Variants in MUC4 observed in about 807,000 individuals in gnomAD.
The protein encoded by MUC4 is mucin 4, cell surface associated.
Under a neutral mutation model 257.9 loss-of-function variants are expected in MUC4, and 202 were observed. That is an observed-to-expected ratio of 0.78 (90% CI 0.70 to 0.88). MUC4 has a LOEUF of 0.88. Ranked by LOEUF, MUC4 falls within the 40% of genes least tolerant of loss-of-function variation. The probability of loss-of-function intolerance (pLI) is 0.00; values close to 1 mark genes in which losing one functional copy is unlikely to be tolerated. For missense variants in MUC4, 5,976 were observed against 6,513.7 expected (o/e 0.92, Z 2.84); for synonymous variants, 2,351 against 2,757.1 (o/e 0.85, Z 4.62).
chr3:195,796,031 A>G (rs1450269944), intron 1 of MUC4, among the ~76,000 whole-genome samples: 2 of 152,046 alleles, frequency 1.3e-5, no homozygotes, highest in Admixed American at 1.3e-4. Flanking sequence ...ATTTATCAAA[A>G]ATGAATTAAG....
At chr3:195,758,301 C>A (rs1037428056) in intron 17 of MUC4, among the ~76,000 whole-genome samples, 1 of 152,122 alleles carries the variant, frequency 6.6e-6, no homozygotes, top group African/African-American at 2.4e-5. Flanking sequence ...CGATGGCACT[C>A]TACTGGGTCC....
Position 195,783,703 on chromosome 3 carries a change from G to A in MUC4, c.7877C>T (p.Pro2626Leu). Residue 2626 changes from proline to leucine, a missense_variant, in exon 2 of 25, where the codon CCT (proline) becomes CTT (leucine). Pro to Leu is a moderately conservative substitution (Grantham distance 98). Around this residue, in one of 44 missense-constraint regions of MUC4, gnomAD observed 11 missense variants for 41.8 expected, o/e 0.26. Transcript: ENST00000463781. The stretch of plus-strand genomic sequence containing the variant: ...GGATGCTGAGGAAGGGCTAGTGACA[G>A]GAAGAGGCGTGGTGTCACCTGTGGA... Reference protein sequence around the residue: ...SVSTGDTTPLPVTSPSSASTG... With the variant: ...SVSTGDTTPLLVTSPSSASTG... The A allele has an allele frequency of 2.2e-6, 1 of 447,582 alleles. No homozygotes were observed. The highest frequency in any genetic ancestry group is 3.3e-5 in the East Asian group (1 of 30,640). 27.7% of individuals were successfully genotyped at this position (447,582 alleles called of 1,614,324 possible). A position where few individuals can be genotyped will look rare whatever the true frequency, so the allele number is the denominator to read the frequency against.
At position 195,783,782 on chromosome 3, in the gene MUC4, A is replaced by T. The variant is rs878884287; in HGVS notation, c.7798T>A (p.Ser2600Thr). The T allele has an allele frequency of 8.2e-6, 12 of 1,456,390 alleles. No individual in the cohort carries two copies. Among genetic ancestry groups the T allele is most frequent in the Non-Finnish European group, 1.1e-5 (12 of 1,091,478 alleles). The allele number at this position is 1,456,390 out of a possible 1,614,324, so 90.2% of individuals were successfully genotyped here. The change falls in exon 2 of 25, where the codon TCA becomes ACA. Residue 2600 changes from serine (S) to threonine (T), a missense_variant. Ser to Thr is a moderately conservative substitution (Grantham distance 58). Transcript: ENST00000463781. Reference protein sequence around the residue: ...TTPLPVTDTYSASTGQATPLP... With the variant: ...TTPLPVTDTYTASTGQATPLP... The stretch of plus-strand genomic sequence containing the variant: ...GGGGTGGCCTGACCTGTGGATGCTG[A>T]GTAAGTGTCGGTGACAGGAAGAGGG...
At position 195,780,431 on chromosome 3, in the gene MUC4, T is replaced by C. The variant is rs199497026; in HGVS notation, c.11149A>G (p.Ser3717Gly). 69 of 1,532,530 alleles carry C rather than the reference T, an allele frequency of 4.5e-5. 1 individual carries two copies. Among genetic ancestry groups the C allele is most frequent in the Middle Eastern group, 4.2e-4 (2 of 4,788 alleles). 94.9% of individuals were successfully genotyped at this position (1,532,530 alleles called of 1,614,324 possible). A position where few individuals can be genotyped will look rare whatever the true frequency, so the allele number is the denominator to read the frequency against. ...SGHTTPLPVTSTSSVSTGHVT... is the reference protein window; with the variant it reads ...SGHTTPLPVTGTSSVSTGHVT... ...TGACCTGTAGATACTGAGGAAGTGC[T>C]GGTGACAGGAAGAGGGGTGGTGTGA... Residue 3717 changes from serine (S) to glycine (G), a missense_variant, in exon 2 of 25, where the codon AGC (serine) becomes GGC (glycine). Ser to Gly is a moderately conservative substitution (Grantham distance 56, BLOSUM62 0). This residue lies in a region of MUC4 where 330 missense variants were observed against 262.0 expected (regional missense o/e 1.26). Coordinates refer to ENST00000463781, the MANE Select transcript of MUC4 (RefSeq NM_018406.7).
In MUC4 at chr3:195,811,834, C is replaced by T. The variant is rs777622105; in HGVS notation, c.-17G>A. The stretch of plus-strand genomic sequence containing the variant: ...CCCCTTCATGGCTGCGGCAAAAGTC[C>T]CCCTGGCTCCCTGGGGAAGCTCCAC... On this transcript the variant is annotated 5_prime_UTR_variant, in exon 1 of 25. Coordinates refer to ENST00000463781, the MANE Select transcript of MUC4 (RefSeq NM_018406.7). The T allele has an allele frequency of 6.2e-7, 1 of 1,612,566 alleles. No homozygotes were observed. The highest frequency in any genetic ancestry group is 8.5e-7 in the Non-Finnish European group (1 of 1,179,216).
chr3:195,789,291 T>C lies in MUC4; in HGVS notation c.2289A>G (p.Ser763=). 1.2e-6 allele frequency: 2 copies of C among 1,613,754 alleles called. No homozygotes were observed. Among genetic ancestry groups the C allele is most frequent in the Non-Finnish European group, 1.7e-6 (2 of 1,179,826 alleles). Residue 763 remains serine (S), a synonymous_variant, in exon 2 of 25, where the codon TCA becomes TCG. Coordinates refer to ENST00000463781, the MANE Select transcript of MUC4 (RefSeq NM_018406.7). ...GQWTSASAST[S]PDTAAAMTHT... ...GGGTCATGGCTGCTGCTGTGTCAGG[T>C]GAGGTGCTGGCAGAGGCTGATGTCC...
chr3:195,807,392 C>T (rs989394092), intron 1 of MUC4, among the ~76,000 whole-genome samples: 3 of 152,016 alleles, frequency 2.0e-5, no homozygotes, highest in East Asian at 1.9e-4. Context: ...CTCTTGAACC[C>T]GGGAGGCAGA....
At position 195,783,002 on chromosome 3, in the gene MUC4, C is replaced by T; in HGVS notation, c.8578G>A (p.Gly2860Ser). Residue 2860 changes from glycine (G) to serine (S), a missense_variant, in exon 2 of 25, where the codon GGT (glycine) becomes AGT (serine). Coordinates refer to ENST00000463781, the MANE Select transcript of MUC4 (RefSeq NM_018406.7). ...PVTDASSVST[G>S]HATSLPVTDA... ...GTGACAGGAAGAGAGGTGGCGTGAC[C>T]TGTGGACACTGAGGAAGCGTCGGTG... 1 of 1,501,832 alleles carries T rather than the reference C, an allele frequency of 6.7e-7. No homozygotes were observed. Among genetic ancestry groups the T allele is most frequent in the Non-Finnish European group, 8.9e-7 (1 of 1,117,572 alleles). 93.0% of individuals were successfully genotyped at this position (1,501,832 alleles called of 1,614,324 possible).
At position 195,778,810 on chromosome 3, in the gene MUC4, G is replaced by A. The variant is rs765160301; in HGVS notation, c.12770C>T (p.Pro4257Leu). 5 of 1,611,688 alleles carry A rather than the reference G, an allele frequency of 3.1e-6. No individual in the cohort carries two copies. The highest frequency in any genetic ancestry group is 2.2e-5 in the South Asian group (2 of 90,748). Reference sequence around the variant, plus strand: ...GCTACCTGGTGTTTCCATCTTCAGAGGGGAGTCCGAGGATACTGTGGAAGC... The same window carrying A: ...GCTACCTGGTGTTTCCATCTTCAGAAGGGAGTCCGAGGATACTGTGGAAGC... Reference protein sequence around the residue: ...TSASTVSSDSPLKMETPGMTT... With the variant: ...TSASTVSSDSLLKMETPGMTT... The change falls in exon 2 of 25, where the codon CCT becomes CTT. Residue 4257 changes from proline (P) to leucine (L), a missense_variant. Pro to Leu is a moderately conservative substitution (Grantham distance 98). This residue lies in a region of MUC4 where 233 missense variants were observed against 171.2 expected (regional missense o/e 1.36). Transcript: ENST00000463781.
rs201933946 is a variant in MUC4, at chr3:195,781,580, G to T, written c.10000C>A (p.Pro3334Thr). Residue 3334 changes from proline (P) to threonine (T), a missense_variant, in exon 2 of 25, where the codon CCT (proline) becomes ACT (threonine). Physicochemically the swap from Pro to Thr is conservative, Grantham distance 38 (BLOSUM62 -1). This residue lies in a region of MUC4 where 72 missense variants were observed against 33.5 expected (regional missense o/e 2.15). Coordinates refer to ENST00000463781, the MANE Select transcript of MUC4 (RefSeq NM_018406.7). Reference sequence around the variant, plus strand: ...GTGTCACCTGTGGATGCTGAGGAAGGGCTGGTGACATGAAGAGGGGTGGCG... The same window carrying T: ...GTGTCACCTGTGGATGCTGAGGAAGTGCTGGTGACATGAAGAGGGGTGGCG... Reference protein sequence around the residue: ...GHATPLHVTSPSSASTGDTTP... With the variant: ...GHATPLHVTSTSSASTGDTTP... The T allele has an allele frequency of 1.9e-3, 967 of 511,008 alleles. 18 individuals carry two copies. The highest frequency in any genetic ancestry group is 6.7e-3 in the South Asian group (185 of 27,656). 31.7% of individuals were successfully genotyped at this position (511,008 alleles called of 1,614,324 possible).
At chr3:195,763,404 C>A (rs756949273) in intron 12 of MUC4, 29 bp downstream of exon 12, 1 of 1,403,260 alleles carries the variant, frequency 7.1e-7, no homozygotes, top group Non-Finnish European at 9.3e-7. Flanking sequence ...GGGTGGAATG[C>A]AGGGAGGTTC....
Position 195,785,593 on chromosome 3 carries a change from C to T in MUC4, c.5987G>A (p.Gly1996Asp), listed in dbSNP as rs572428070. The T allele has an allele frequency of 6.5e-7, 1 of 1,534,882 alleles. No individual in the cohort carries two copies. The highest frequency in any genetic ancestry group is 8.8e-7 in the Non-Finnish European group (1 of 1,139,806). The change falls in exon 2 of 25, where the codon GGT becomes GAT. Residue 1996 changes from glycine (G) to aspartate (D), a missense_variant. By Grantham distance (94) the Gly-to-Asp change is moderately conservative. Transcript: ENST00000463781. Reference protein sequence around the residue: ...PVTDASSVSTGHATPLPVTDT... With the variant: ...PVTDASSVSTDHATPLPVTDT... ...GGTGACCGGAAGAGGGGTGGCATGA[C>T]CTGTGGACACTGAGGAAGCGTCGGT...
Position 195,770,305 on chromosome 3 carries a change from T to C in MUC4, c.13309A>G (p.Met4437Val), listed in dbSNP as rs765749348. ...VQQAESWIRK[M>V]TNNGGYKARW... ...GCCTTGTAGCCCCCGTTGTTTGTCA[T>C]CTTTCTAATCCAAGACTCGGCCTGC... Residue 4437 changes from methionine to valine, a missense_variant, in exon 6 of 25, where the codon ATG (methionine) becomes GTG (valine). By Grantham distance (21) the Met-to-Val change is conservative. This residue lies in a region of MUC4 where 996 missense variants were observed against 1,137.3 expected (regional missense o/e 0.88). Transcript: ENST00000463781. 2 of 1,613,958 alleles carry C rather than the reference T, an allele frequency of 1.2e-6. No homozygotes were observed. The highest frequency in any genetic ancestry group is 2.7e-5 in the African/African-American group (2 of 74,912).
Position 195,789,555 on chromosome 3 carries a change from C to A in MUC4, c.2025G>T (p.Gly675=), listed in dbSNP as rs371293898. 6 of 1,613,658 alleles carry A rather than the reference C, an allele frequency of 3.7e-6. No individual in the cohort carries two copies. In the African/African-American group the frequency reaches 8.0e-5, roughly 22 times the overall value. The part of the protein sequence containing the change: ...TTPGSSFTAS[G]HSPSEIVPQD... Reference sequence around the variant, plus strand: ...GAGGAACAATTTCTGAGGGCGAGTGCCCACTGGCTGTGAAGGAAGAACCTG... The same window carrying A: ...GAGGAACAATTTCTGAGGGCGAGTGACCACTGGCTGTGAAGGAAGAACCTG... The change falls in exon 2 of 25, where the codon GGG becomes GGT. Residue 675 remains glycine (G), a synonymous_variant. Transcript: ENST00000463781.
Position 195,748,939 on chromosome 3 carries a change from C to T in MUC4, c.15997G>A (p.Gly5333Ser), listed in dbSNP as rs765555247. ...CCACTGGGCAGGTGCTGGCACTGGC[C>T]TCCATGGTCACAGTAGCCCCTACTG... ...PCSRGYCDHG[G>S]QCQHLPSGPR... The change falls in exon 24 of 25, where the codon GGC becomes AGC. Residue 5333 changes from glycine to serine, a missense_variant. By Grantham distance (56) the Gly-to-Ser change is moderately conservative. Transcript: ENST00000463781. The T allele has an allele frequency of 1.9e-6, 3 of 1,598,548 alleles. No homozygotes were observed. In the Admixed American group the frequency reaches 5.1e-5, roughly 27 times the overall value.
intron 7 of MUC4, among the ~76,000 whole-genome samples, chr3:195,767,604 C>CACCATT (rs1560262405): frequency 3.6e-4 from 33 of 92,296 alleles, no homozygotes; most frequent in Admixed American, 5.2e-4. Flanking sequence ...CCACCATCAT[C>CACCATT]ACCATTGCCA....
In MUC4 at chr3:195,782,984, G is replaced by T; in HGVS notation, c.8596C>A (p.Pro2866Thr). 1.7e-6 allele frequency: 2 copies of T among 1,176,012 alleles called. No individual in the cohort carries two copies. Among genetic ancestry groups the T allele is most frequent in the Non-Finnish European group, 2.3e-6 (2 of 873,626 alleles). 72.8% of individuals were successfully genotyped at this position (1,176,012 alleles called of 1,614,324 possible). A position where few individuals can be genotyped will look rare whatever the true frequency, so the allele number is the denominator to read the frequency against. The change falls in exon 2 of 25, where the codon CCT becomes ACT. Residue 2866 changes from proline to threonine, a missense_variant. Pro to Thr is a conservative substitution (Grantham distance 38). Coordinates refer to ENST00000463781, the MANE Select transcript of MUC4 (RefSeq NM_018406.7). ...SVSTGHATSL[P>T]VTDASSVSTG... Reference sequence around the variant, plus strand: ...GACACTGAGGAAGCGTCGGTGACAGGAAGAGAGGTGGCGTGACCTGTGGAC... The same window carrying T: ...GACACTGAGGAAGCGTCGGTGACAGTAAGAGAGGTGGCGTGACCTGTGGAC...
At chr3:195,763,328 G>T in intron 12 of MUC4, 105 bp downstream of exon 12, 2 of 1,184,840 alleles carry the variant, frequency 1.7e-6, no homozygotes, top group Non-Finnish European at 1.1e-6. Context: ...CCTCCCTCCT[G>T]CCCGGCTTCC....
intron 11 of MUC4, 123 bp from the exon 12 acceptor site, chr3:195,763,764 G>A (rs1719760656): frequency 2.8e-6 from 3 of 1,090,694 alleles, no homozygotes; most frequent in South Asian, 3.6e-5. Flanking sequence ...CACTGCAGTC[G>A]ACTGGGGCAC....
Sources: allele counts gnomAD v4.1 joint callset (sites outside exome capture counted in the v4.1 genomes callset), GRCh38; gene constraint gnomAD v4.1.1; regional missense constraint gnomAD v4.1.1; transcripts MANE v1.5; gene names NCBI Gene and HGNC (gene_info 2026-07-23, HGNC 2026-07-21).